The following POM121C variants were observed in gnomAD, a reference collection of about 807,000 sequenced individuals.
POM121C encodes POM121 transmembrane nucleoporin C.
POM121C carries 20 observed loss-of-function variants against 66.4 expected under a neutral mutation model. The observed-to-expected ratio is 0.30, with a 90% CI of 0.21 to 0.44. The LOEUF is 0.44. POM121C is among the 20% of genes least tolerant of loss of function. POM121C has a pLI of 1.00. For missense variants in POM121C, 580 were observed against 1,225.7 expected, an observed-to-expected ratio of 0.47 and a Z score of 7.87; for synonymous variants, 286 against 528.0, an observed-to-expected ratio of 0.54 and a Z score of 6.28.
At chr7:75,469,516 G>C (rs1791794047) in intron 3 of POM121C, among the ~76,000 whole-genome samples, 1 of 152,094 alleles carries the variant, frequency 6.6e-6, no homozygotes, top group African/African-American at 2.4e-5. Context: ...CCCCTGTTTT[G>C]ACCAGAGTTC....
rs587655513 is a variant in POM121C, at chr7:75,418,498, C to T, written c.*298G>A. On this transcript the variant is annotated 3_prime_UTR_variant, in exon 15 of 15. Transcript: ENST00000615331. ...GGCGCCTGCCTAAGGGTGCGCTAAG[C>T]GGGAGTCAGGGCAGCGGACACTATG... 18 of 1,141,584 alleles carry T rather than the reference C, an allele frequency of 1.6e-5. No individual in the cohort carries two copies. The highest frequency in any genetic ancestry group is 9.8e-5 in the African/African-American group (6 of 61,304). The allele number at this position is 1,141,584 out of a possible 1,614,324, so 70.7% of individuals were successfully genotyped here. A position where few individuals can be genotyped will look rare whatever the true frequency, so the allele number is the denominator to read the frequency against.
intron 7 of POM121C, among the ~76,000 whole-genome samples, chr7:75,432,911 A>G (rs1477176137): frequency 2.0e-5 from 3 of 152,150 alleles, no homozygotes; most frequent in African/African-American, 2.4e-5. Context: ...AGGAAAGGTA[A>G]TATTTGCACG....
rs587734887 is a variant in POM121C at position 75,468,792 on chromosome 7, C to T, written c.-152+5912G>A. ...ATCCCAACACTTTGGGAGGTCAAGA[C>T]GGGAGGATCGCTTGAGCCCAGGAGT... On this transcript the variant is annotated intron_variant, in intron 3 of 14. Transcript: ENST00000615331. 4.6e-5 allele frequency among the ~76,000 whole-genome samples: 7 copies of T among 152,180 alleles called. No homozygotes were observed. In the South Asian group the frequency reaches 8.3e-4, roughly 18 times the overall value.
rs3888116 is a variant in POM121C, at chr7:75,442,790, G to A, written c.-151-1143C>T. The A allele has an allele frequency of 1.0e-4, 128 of 1,272,774 alleles. No individual in the cohort carries two copies. In the East Asian group the frequency reaches 2.9e-3, roughly 29 times the overall value. 78.8% of individuals were successfully genotyped at this position (1,272,774 alleles called of 1,614,324 possible). On this transcript the variant is annotated intron_variant, in intron 3 of 14. Transcript: ENST00000615331. ...CGCGCCACGCGTCGCGTCATCGCGCGCCCGCCACGTCATGCGCGCGCGACT... is the reference window on the plus strand; with the variant it reads ...CGCGCCACGCGTCGCGTCATCGCGCACCCGCCACGTCATGCGCGCGCGACT...
At chr7:75,441,903 T>G (rs1790664422) in intron 3 of POM121C, among the ~76,000 whole-genome samples, 1 of 150,874 alleles carries the variant, frequency 6.6e-6, no homozygotes, top group Non-Finnish European at 1.5e-5. Context: ...AAATCTAGAC[T>G]GCACTAAAAT....
chr7:75,467,068 T>C (rs1402707255), intron 3 of POM121C, among the ~76,000 whole-genome samples: 18 of 152,230 alleles, frequency 1.2e-4, no homozygotes, highest in Middle Eastern at 3.2e-3. Flanking sequence ...CCTGAGATTC[T>C]GATTCAGTAG....
In POM121C at chr7:75,417,969, T is replaced by TA. The variant is rs1554470027; in HGVS notation, c.*826dup. On this transcript the variant is annotated 3_prime_UTR_variant, in exon 15 of 15. Coordinates refer to ENST00000615331, the MANE Select transcript of POM121C (RefSeq NM_001099415.3). ...GGAACACAGGACAAGGCTTGAAACA[T>TA]ACAATCCTGGAGAGGCAGACGAGGG... 1.0e-6 allele frequency: 1 copy of TA among 984,276 alleles called. No homozygotes were observed. Among genetic ancestry groups the TA allele is most frequent in the Non-Finnish European group, 1.2e-6 (1 of 829,510 alleles). The allele number at this position is 984,276 out of a possible 1,614,324, so 61.0% of individuals were successfully genotyped here.
At chr7:75,482,465 G>A (rs587720901) in intron 1 of POM121C, among the ~76,000 whole-genome samples, 12 of 152,264 alleles carry the variant, frequency 7.9e-5, no homozygotes, top group Middle Eastern at 3.4e-3. Context: ...ACACCGAGGC[G>A]GGCAGACTGC....
intron 1 of POM121C, among the ~76,000 whole-genome samples, chr7:75,483,039 C>T (rs1471424718): frequency 2.0e-5 from 3 of 152,056 alleles, no homozygotes; most frequent in East Asian, 1.9e-4. Flanking sequence ...AACAAAAAGA[C>T]GAACAAATAT....
Position 75,442,852 on chromosome 7 carries a change from A to T in POM121C, c.-151-1205T>A. On this transcript the variant is annotated intron_variant, in intron 3 of 14. Transcript: ENST00000615331. Reference sequence around the variant, plus strand: ...TACAGCCCGGCAGCTCCCGAGACACAGCTGTTTTGGAAAATGCTGCCTGCC... The same window carrying T: ...TACAGCCCGGCAGCTCCCGAGACACTGCTGTTTTGGAAAATGCTGCCTGCC... 3.6e-6 allele frequency: 4 copies of T among 1,103,480 alleles called. No homozygotes were observed. The African/African-American group carries it at 5.0e-5, about 14-fold the overall frequency. 68.4% of individuals were successfully genotyped at this position (1,103,480 alleles called of 1,614,324 possible).
intron 3 of POM121C, among the ~76,000 whole-genome samples, chr7:75,467,964 T>C (rs1791727362): frequency 6.6e-6 from 1 of 151,488 alleles, no homozygotes; most frequent in African/African-American, 2.4e-5. Context: ...ACCCCATCAC[T>C]ACTAAAAATA....
chr7:75,424,324 G>C, intron 11 of POM121C, 99 bp from the exon 12 acceptor site: 1 of 1,495,994 alleles, frequency 6.7e-7, no homozygotes, highest in Non-Finnish European at 9.2e-7. Context: ...ATGGAGGAAT[G>C]TCTGCCCTAA....
rs587602776 is a variant in POM121C, at chr7:75,419,016, C to T, written c.2867-123G>A. 1.1e-4 allele frequency: 165 copies of T among 1,457,208 alleles called. No individual in the cohort carries two copies. The African/African-American group carries it at 1.6e-3, about 14-fold the overall frequency. 90.3% of individuals were successfully genotyped at this position (1,457,208 alleles called of 1,614,324 possible). On this transcript the variant is annotated intron_variant, in intron 14 of 14. Transcript: ENST00000615331. ...CAGGGTGCCTCAATAGGGCTTTCCCCGCTGCGTCAGAAACACTGTACGGGA... is the reference window on the plus strand; with the variant it reads ...CAGGGTGCCTCAATAGGGCTTTCCCTGCTGCGTCAGAAACACTGTACGGGA...
chr7:75,468,151 A>G (rs1791741625), intron 3 of POM121C, among the ~76,000 whole-genome samples: 1 of 146,390 alleles, frequency 6.8e-6, no homozygotes, highest in African/African-American at 2.5e-5. Flanking sequence ...AAAAAAAAAA[A>G]AGAAAAGAAA....
At chr7:75,469,121 A>C (rs1584708036) in intron 3 of POM121C, among the ~76,000 whole-genome samples, 1 of 150,374 alleles carries the variant, frequency 6.7e-6, no homozygotes, top group African/African-American at 2.4e-5. Context: ...TTTTTCCTAG[A>C]CAGGGTCTTG....
At position 75,422,110 on chromosome 7, in the gene POM121C, T is replaced by C. The variant is rs782156932; in HGVS notation, c.2142A>G (p.Pro714=). 6.2e-7 allele frequency: 1 copy of C among 1,602,118 alleles called. No homozygotes were observed. Among genetic ancestry groups the C allele is most frequent in the Admixed American group, 1.7e-5 (1 of 59,450 alleles). Residue 714 remains proline, a synonymous_variant, in exon 13 of 15, where the codon CCA becomes CCG. Transcript: ENST00000615331. ...TAAGGGCTGGCTTGGCGGCCCCCGG[T>C]GGCTGCCCCTCAGCGGCCCCAAATG... ...QPAFGAAEGQ[P]PGAAKPALTP...
At chr7:75,441,730 G>T (rs374788777) in intron 3 of POM121C, 83 bp from the exon 4 acceptor site, 1 of 1,252,124 alleles carries the variant, frequency 8.0e-7, no homozygotes, top group Non-Finnish European at 1.1e-6. Context: ...CACCAGTTAA[G>T]ACATTTTCCA....
intron 3 of POM121C, among the ~76,000 whole-genome samples, chr7:75,461,457 G>A (rs2599308): frequency 2.1e-4 from 32 of 151,916 alleles, no homozygotes; most frequent in Non-Finnish European, 4.3e-4. Context: ...TCTTTCTGTC[G>A]CCCAGGCTGG....
At chr7:75,419,278 C>T (rs781816792) in intron 14 of POM121C, 42 bp downstream of exon 14, 3 of 1,584,526 alleles carry the variant, frequency 1.9e-6, no homozygotes, top group Middle Eastern at 1.7e-4. Flanking sequence ...CCAACCTCTC[C>T]TCAGACAGAC....
Sources: allele counts gnomAD v4.1 joint callset (sites outside exome capture counted in the v4.1 genomes callset), GRCh38; gene constraint gnomAD v4.1.1; transcripts MANE v1.5; gene names NCBI Gene and HGNC (gene_info 2026-07-23, HGNC 2026-07-21).